LRIG1: variants seen among roughly 807,000 people sequenced by gnomAD.
The protein encoded by LRIG1 is leucine rich repeats and immunoglobulin like domains 1.
Under a neutral mutation model 99.2 loss-of-function variants are expected in LRIG1, and 48 were observed. That is an observed-to-expected ratio of 0.48 (90% CI 0.38 to 0.62). LRIG1 has a LOEUF of 0.62. Among genes scored for constraint, LRIG1 ranks in the 20% least tolerant of loss-of-function variants. LRIG1 has a pLI of 0.00. For synonymous variants in LRIG1, 772 were observed against 596.1 expected (o/e 1.29, Z -4.30); for missense variants, 1,646 against 1,434.4 (o/e 1.15, Z -2.38).
At chr3:66,442,003 A>C (rs1330476836) in intron 3 of LRIG1, among the ~76,000 whole-genome samples, 4 of 152,208 alleles carry the variant, frequency 2.6e-5, no homozygotes, top group Non-Finnish European at 5.9e-5. Flanking sequence ...AACGCCTGCC[A>C]ATATCAGTGT....
chr3:66,427,171 C>T (rs1212324077), intron 3 of LRIG1, among the ~76,000 whole-genome samples: 1 of 152,254 alleles, frequency 6.6e-6, no homozygotes, highest in Non-Finnish European at 1.5e-5. Context: ...CTCTGCCCAT[C>T]ATGGTGCTGC....
Position 66,430,125 on chromosome 3 carries a change from C to A in LRIG1, c.366-12859G>T, listed in dbSNP as rs552674921. On this transcript the variant is annotated intron_variant, in intron 3 of 18. Coordinates refer to ENST00000273261, the MANE Select transcript of LRIG1 (RefSeq NM_015541.3). ...ACTTTAGTTCAATGTCTTACATTCA[C>A]CACAACAAACCTGAACCAAGGAACA... 2.3e-3 allele frequency among the ~76,000 whole-genome samples: 352 copies of A among 152,076 alleles called. 1 individual carries two copies. The highest frequency in any genetic ancestry group is 8.1e-3 in the African/African-American group (334 of 41,456).
intron 2 of LRIG1, among the ~76,000 whole-genome samples, chr3:66,452,762 G>C (rs1703949077): frequency 6.6e-6 from 1 of 152,102 alleles, no homozygotes; most frequent in South Asian, 2.1e-4. Context: ...AAAAAAAAAG[G>C]AAAGGCCTTG....
chr3:66,440,618 A>G (rs2106775039), intron 3 of LRIG1, among the ~76,000 whole-genome samples: 1 of 152,316 alleles, frequency 6.6e-6, no homozygotes, highest in East Asian at 1.9e-4. Context: ...TGTAGACAGC[A>G]GCAATGCCCC....
chr3:66,450,870 T>C lies in LRIG1; in HGVS notation c.365+689A>G, dbSNP rs1703884329. ...ACTCATGGCTGGTTTATCTGGAAAG[T>C]CTTCTGGGTGAGTTTAAAACAAGCA... On this transcript the variant is annotated intron_variant, in intron 3 of 18. Coordinates refer to ENST00000273261, the MANE Select transcript of LRIG1 (RefSeq NM_015541.3). 2.0e-5 allele frequency among the ~76,000 whole-genome samples: 3 copies of C among 152,166 alleles called. No homozygotes were observed. In the South Asian group the frequency reaches 6.2e-4, roughly 32 times the overall value.
intron 1 of LRIG1, among the ~76,000 whole-genome samples, chr3:66,465,567 T>C (rs1700455470): frequency 6.6e-6 from 1 of 152,014 alleles, no homozygotes; most frequent in Admixed American, 6.5e-5. Flanking sequence ...GGTTTCACCA[T>C]GTTGGCCAGG....
rs1386580492 is a variant in LRIG1, at chr3:66,462,479, A to C, written c.249T>G (p.Ile83Met). The C allele has an allele frequency of 2.5e-6, 4 of 1,612,862 alleles. No individual in the cohort carries two copies. Among genetic ancestry groups the C allele is most frequent in the Non-Finnish European group, 3.4e-6 (4 of 1,179,444 alleles). The part of the protein sequence containing the change: ...LNLSYNKLSE[I>M]DPAGFEDLPN... ...GCAAGTCCTCAAAACCAGCAGGGTC[A>C]ATCTCAGAGAGTTTGTTGTAACTCA... Residue 83 changes from isoleucine to methionine, a missense_variant, in exon 2 of 19, where the codon ATT (isoleucine) becomes ATG (methionine). By Grantham distance (10) the Ile-to-Met change is conservative. Coordinates refer to ENST00000273261, the MANE Select transcript of LRIG1 (RefSeq NM_015541.3).
intron 11 of LRIG1, among the ~76,000 whole-genome samples, chr3:66,396,734 T>C (rs1465835489): frequency 6.6e-6 from 1 of 152,226 alleles, no homozygotes; most frequent in Non-Finnish European, 1.5e-5. Context: ...CCCGTTTAAA[T>C]TGAATCAGGT....
At chr3:66,429,887 T>C (rs1480152997) in intron 3 of LRIG1, among the ~76,000 whole-genome samples, 1 of 151,768 alleles carries the variant, frequency 6.6e-6, no homozygotes, top group Non-Finnish European at 1.5e-5. Flanking sequence ...AACTTACAAC[T>C]GCTATAAAAG....
At position 66,380,334 on chromosome 3, in the gene LRIG1, C is replaced by T. The variant is rs767736930; in HGVS notation, c.3211G>A (p.Glu1071Lys). The part of the protein sequence containing the change: ...HLPKACDASP[E>K]STPLTGQLPG... ...AGCTGTCCTGTCAGTGGCGTGGACT[C>T]GGGACTGGCGTCACATGCTTTGGGG... The change falls in exon 19 of 19, where the codon GAG becomes AAG. Residue 1071 changes from glutamate (E) to lysine (K), a missense_variant. Transcript: ENST00000273261. 2.2e-5 allele frequency: 36 copies of T among 1,614,038 alleles called. No homozygotes were observed. Among genetic ancestry groups the T allele is most frequent in the Non-Finnish European group, 2.7e-5 (32 of 1,180,036 alleles).
In LRIG1 at chr3:66,379,694, C is replaced by A. The variant is rs1246071201; in HGVS notation, c.*569G>T. 6.6e-6 allele frequency: 1 copy of A among 152,318 alleles called. No homozygotes were observed. Among genetic ancestry groups the A allele is most frequent in the African/African-American group, 2.4e-5 (1 of 41,474 alleles). The allele number at this position is 152,318 out of a possible 1,614,324, so 9.4% of individuals were successfully genotyped here. A position where few individuals can be genotyped will look rare whatever the true frequency, so the allele number is the denominator to read the frequency against. On this transcript the variant is annotated 3_prime_UTR_variant, in exon 19 of 19. Transcript: ENST00000273261. ...CCCCTGGCTCTACAGACAGGGAAGC[C>A]TGTTGCAGGGGCATCCACACATGAG...
chr3:66,417,513 C>G, intron 3 of LRIG1: 2 of 482,928 alleles, frequency 4.1e-6, no homozygotes, highest in Middle Eastern at 5.8e-4. Flanking sequence ...CCAAGGGCAA[C>G]AACACAGCAG....
At chr3:66,415,466 G>A (rs907707095) in intron 4 of LRIG1, among the ~76,000 whole-genome samples, 13 of 152,128 alleles carry the variant, frequency 8.5e-5, no homozygotes, top group African/African-American at 3.1e-4. Context: ...TCAACTGAAA[G>A]GCAAGGTCAG....
chr3:66,403,534 G>C (rs1315981639), intron 9 of LRIG1, among the ~76,000 whole-genome samples: 2 of 152,156 alleles, frequency 1.3e-5, no homozygotes, highest in African/African-American at 4.8e-5. Context: ...GAGGAAAGCA[G>C]GGGCTTGGGC....
At chr3:66,478,488 CAGG>C (rs767954469) in intron 1 of LRIG1, among the ~76,000 whole-genome samples, 4 of 152,314 alleles carry the variant, frequency 2.6e-5, no homozygotes, top group Non-Finnish European at 4.4e-5. Context: ...TGCTGCGTGC[CAGG>C]AGGACCACAC....
chr3:66,383,941 C>G lies in LRIG1; in HGVS notation c.2071+50G>C, dbSNP rs76639556. The G allele has an allele frequency of 2.4e-3, 3,794 of 1,561,540 alleles. 77 individuals are homozygous for G. The Admixed American group carries it at 0.041, about 17-fold the overall frequency. On this transcript the variant is annotated intron_variant, in intron 14 of 18. Transcript: ENST00000273261. ...ACACAGAGCATTTGAGAGTCTCTCT[C>G]TCTCGCTCACACACACACACACACA...
intron 1 of LRIG1, among the ~76,000 whole-genome samples, chr3:66,482,994 G>C (rs555397408): frequency 2.5e-4 from 38 of 152,050 alleles, no homozygotes; most frequent in Middle Eastern, 3.4e-3. Context: ...CCTAACATTT[G>C]TCACCAGAAA....
Position 66,380,410 on chromosome 3 carries a change from G to A in LRIG1, c.3135C>T (p.Gly1045=). The A allele has an allele frequency of 5.0e-6, 8 of 1,614,194 alleles. No homozygotes were observed. Among genetic ancestry groups the A allele is most frequent in the Non-Finnish European group, 6.8e-6 (8 of 1,180,032 alleles). Residue 1045 remains glycine (G), a synonymous_variant, in exon 19 of 19, where the codon GGC becomes GGT. Coordinates refer to ENST00000273261, the MANE Select transcript of LRIG1 (RefSeq NM_015541.3). ...ELQPASSLTS[G]SPERAEAQYL... is the part of the protein sequence containing the mutation. ...ACTGGGCTTCCGCGCGCTCTGGACT[G>A]CCTGAAGTTAATGAAGATGCAGGCT... is the stretch of plus-strand genomic sequence containing the variant.
At chr3:66,436,364 G>A (rs987831642) in intron 3 of LRIG1, among the ~76,000 whole-genome samples, 9 of 152,178 alleles carry the variant, frequency 5.9e-5, no homozygotes, top group Non-Finnish European at 1.0e-4. Context: ...TTCCTCCCCC[G>A]CCTCTTGCAG....
Sources: allele counts gnomAD v4.1 joint callset (sites outside exome capture counted in the v4.1 genomes callset), GRCh38; gene constraint gnomAD v4.1.1; transcripts MANE v1.5; gene names NCBI Gene and HGNC (gene_info 2026-07-23, HGNC 2026-07-21).